The following CTDP1 variants were observed in gnomAD, a reference collection of about 807,000 sequenced individuals.
CTDP1 encodes the protein RNA polymerase II subunit A C-terminal domain phosphatase.
A neutral mutation model predicts 91.8 loss-of-function variants in CTDP1; 47 were observed. That is an observed-to-expected ratio of 0.51 (90% CI 0.41 to 0.65). The LOEUF (loss-of-function observed/expected upper bound fraction) is 0.65. Among genes scored for constraint, CTDP1 ranks in the 30% least tolerant of loss-of-function variants. The pLI is 0.00. For missense variants in CTDP1, 1,272 were observed against 1,373.7 expected (o/e 0.93, Z 1.17); for synonymous variants, 656 against 598.5 (o/e 1.10, Z -1.40).
chr18:79,682,688 GTGGGTTCTCCAGGTTGACTGCGGGA>G (rs1183148016), intron 1 of CTDP1, among the ~76,000 whole-genome samples: 1 of 152,248 alleles, frequency 6.6e-6, no homozygotes, highest in East Asian at 1.9e-4. Flanking sequence ...TTCTGGATCA[GTGGGTTCTCCAGGTTGACTGCGGGA>G]CCTGAGTATC....
chr18:79,677,072 T>A (rs1431040612), upstream of CTDP1, among the ~76,000 whole-genome samples: 1 of 152,232 alleles, frequency 6.6e-6, no homozygotes, highest in African/African-American at 2.4e-5. Context: ...GTTCTTCCCA[T>A]TTTACAGAAT....
At chr18:79,738,983 AC>A (rs971451036) in intron 12 of CTDP1, among the ~76,000 whole-genome samples, 1 of 152,160 alleles carries the variant, frequency 6.6e-6, no homozygotes, top group Non-Finnish European at 1.5e-5. Flanking sequence ...TTCGGTGTAG[AC>A]CCATTGGGTC....
At chr18:79,727,383 C>T (rs573712528) in intron 10 of CTDP1, among the ~76,000 whole-genome samples, 2 of 151,484 alleles carry the variant, frequency 1.3e-5, no homozygotes, top group Admixed American at 6.6e-5. Context: ...GGATGGAAAG[C>T]GCAGCGTTCA....
upstream of CTDP1, chr18:79,679,726 C>T (rs958593746): frequency 2.3e-5 from 12 of 512,534 alleles, no homozygotes; most frequent in African/African-American, 1.2e-4. Context: ...CGGCTCCGGC[C>T]CCGCGCGGCG....
In CTDP1 at chr18:79,726,342, G is replaced by T. The variant is rs114716354; in HGVS notation, c.2418-2565G>T. Among the ~76,000 whole-genome samples, 667 of 152,148 alleles carry T rather than the reference G, an allele frequency of 4.4e-3. 2 individuals carry two copies. Among genetic ancestry groups the T allele is most frequent in the African/African-American group, 0.015 (602 of 41,506 alleles). On this transcript the variant is annotated intron_variant, in intron 10 of 12. Transcript: ENST00000613122. ...AAATGTCTGTATCTTCTATTTCTTTGCCAATCCTTTCTGTGTTTTTCAGTT... is the reference window on the plus strand; with the variant it reads ...AAATGTCTGTATCTTCTATTTCTTTTCCAATCCTTTCTGTGTTTTTCAGTT...
intron 1 of CTDP1, among the ~76,000 whole-genome samples, chr18:79,688,457 G>T (rs950703768): frequency 2.0e-5 from 3 of 152,192 alleles, no homozygotes; most frequent in South Asian, 2.1e-4. Context: ...TAGAGACAGG[G>T]TTTCACCATG....
chr18:79,732,112 C>T (rs1471003561), intron 11 of CTDP1, among the ~76,000 whole-genome samples: 1 of 151,596 alleles, frequency 6.6e-6, no homozygotes, highest in African/African-American at 2.4e-5. Flanking sequence ...AACTTGCTGA[C>T]ATCAGGAGTG....
At chr18:79,686,917 G>A (rs1331820729) in intron 1 of CTDP1, among the ~76,000 whole-genome samples, 6 of 143,778 alleles carry the variant, frequency 4.2e-5, no homozygotes, top group Admixed American at 1.4e-4. Flanking sequence ...GGCCTGCACC[G>A]CAGCAGTTGG....
intron 4 of CTDP1, 51 bp downstream of exon 4, chr18:79,698,039 G>T (rs1331445892): frequency 6.2e-7 from 1 of 1,608,600 alleles, no homozygotes; most frequent in Non-Finnish European, 8.5e-7. Context: ...GCGGGTCCTA[G>T]AATTTTGATT....
chr18:79,694,253 TGGGGGCTACAGGCA>T (rs2085691981), intron 1 of CTDP1, among the ~76,000 whole-genome samples: 3 of 138,858 alleles, frequency 2.2e-5, no homozygotes, highest in African/African-American at 8.3e-5. Context: ...GATGGGAGTG[TGGGGGCTACAGGCA>T]CCTAGGGGTG....
At chr18:79,684,604 G>A (rs1568170567) in intron 1 of CTDP1, among the ~76,000 whole-genome samples, 1 of 146,758 alleles carries the variant, frequency 6.8e-6, no homozygotes, top group Non-Finnish European at 1.5e-5. Context: ...CCGTGCCCTC[G>A]TTGCCTGCGT....
rs1369117187 is a variant in CTDP1, at chr18:79,695,260, C to T, written c.350C>T (p.Pro117Leu). Residue 117 changes from proline to leucine, a missense_variant, in exon 2 of 13, where the codon CCG (proline) becomes CTG (leucine). This residue lies in a region of CTDP1 where 177 missense variants were observed against 283.0 expected (regional missense o/e 0.63). Coordinates refer to ENST00000613122, the MANE Select transcript of CTDP1 (RefSeq NM_004715.5). The stretch of plus-strand genomic sequence containing the variant: ...GTGAGGTTGGAAGGATGCAGCCACC[C>T]GGTTGTCATGAAAGGCCTGTGTGCT... Reference protein sequence around the residue: ...VLVRLEGCSHPVVMKGLCAEC... With the variant: ...VLVRLEGCSHLVVMKGLCAEC... 5.0e-6 allele frequency: 8 copies of T among 1,614,074 alleles called. No homozygotes were observed. The highest frequency in any genetic ancestry group is 1.7e-5 in the Admixed American group (1 of 60,010).
At chr18:79,689,389 C>T (rs1047389678) in intron 1 of CTDP1, among the ~76,000 whole-genome samples, 2 of 152,226 alleles carry the variant, frequency 1.3e-5, no homozygotes, top group Admixed American at 6.5e-5. Context: ...GGGTATCTGT[C>T]AGTGATTCCT....
chr18:79,746,593 TCAGGAGGC>T (rs1296559466), intron 12 of CTDP1, among the ~76,000 whole-genome samples: 1 of 152,192 alleles, frequency 6.6e-6, no homozygotes, highest in Non-Finnish European at 1.5e-5. Flanking sequence ...TGTGAACAGG[TCAGGAGGC>T]CCTGCCTTGC....
At chr18:79,739,341 C>T (rs1203852220) in intron 12 of CTDP1, among the ~76,000 whole-genome samples, 2 of 151,958 alleles carry the variant, frequency 1.3e-5, no homozygotes, top group African/African-American at 2.4e-5. Context: ...CTCAGCGGGT[C>T]GGGACCCAGA....
At chr18:79,720,607 C>T (rs1477654805) in intron 10 of CTDP1, among the ~76,000 whole-genome samples, 2 of 152,230 alleles carry the variant, frequency 1.3e-5, no homozygotes, top group African/African-American at 4.8e-5. Context: ...GTTCTGGTGA[C>T]GATGTCATCT....
intron 1 of CTDP1, among the ~76,000 whole-genome samples, chr18:79,693,736 G>A (rs1171788763): frequency 1.3e-5 from 2 of 152,120 alleles, no homozygotes; most frequent in Admixed American, 6.5e-5. Context: ...CTCCTCCAGG[G>A]TGATCCGCAC....
At position 79,680,184 on chromosome 18, in the gene CTDP1, G is replaced by T. The variant is rs1349464155; in HGVS notation, c.237G>T (p.Pro79=). 1.4e-6 allele frequency: 2 copies of T among 1,382,718 alleles called. No individual in the cohort carries two copies. The highest frequency in any genetic ancestry group is 1.9e-6 in the Non-Finnish European group (2 of 1,074,442). 85.7% of individuals were successfully genotyped at this position (1,382,718 alleles called of 1,614,324 possible). ...ASGGCVRPAR[P]ERRLRSERAG... is the part of the protein sequence containing the mutation. ...GGGGCTGCGTGCGCCCCGCGCGGCC[G>T]GAACGCAGGCTGAGGTCGGAGCGCG... The change falls in exon 1 of 13, where the codon CCG becomes CCT. Residue 79 remains proline, a synonymous_variant. Coordinates refer to ENST00000613122, the MANE Select transcript of CTDP1 (RefSeq NM_004715.5).
In CTDP1 at chr18:79,710,470, C is replaced by T. The variant is rs754359973; in HGVS notation, c.863+34C>T. ...CCAGCCGCGCTCCTCACAAAGACCT[C>T]GCTGTTCATTTCCCATTTCAAAAAT... On this transcript the variant is annotated intron_variant, in intron 6 of 12. Transcript: ENST00000613122. 5 of 1,443,514 alleles carry T rather than the reference C, an allele frequency of 3.5e-6. No homozygotes were observed. The African/African-American group carries it at 5.6e-5, about 16-fold the overall frequency. The allele number at this position is 1,443,514 out of a possible 1,614,324, so 89.4% of individuals were successfully genotyped here.
Sources: gnomAD v4.1 joint callset for allele counts (sites outside exome capture counted in the v4.1 genomes callset) on GRCh38, gnomAD v4.1.1 for gene constraint, gnomAD v4.1.1 regional missense constraint, MANE v1.5 for transcripts, NCBI Gene and HGNC (gene_info 2026-07-23, HGNC 2026-07-21) for gene names.